FAXC: variants seen among roughly 807,000 people sequenced by gnomAD.
The protein encoded by FAXC is failed axon connections homolog.
A neutral mutation model predicts 41.9 loss-of-function variants in FAXC; 10 were observed. That is an observed-to-expected ratio of 0.24 (90% CI 0.15 to 0.41). FAXC has a LOEUF of 0.41. Ranked by LOEUF, FAXC falls within the 10% of genes least tolerant of loss-of-function variation. FAXC has a pLI of 1.00. For missense variants in FAXC, 399 were observed against 510.9 expected, an observed-to-expected ratio of 0.78 and a Z score of 2.11; for synonymous variants, 183 against 183.8, an observed-to-expected ratio of 1.00 and a Z score of 0.03.
chr6:99,302,294 A>G (rs1273991643), intron 4 of FAXC, among the ~76,000 whole-genome samples: 1 of 152,244 alleles, frequency 6.6e-6, no homozygotes, highest in African/African-American at 2.4e-5. Flanking sequence ...TGCCTAAGAT[A>G]GAAGCCACAT....
At chr6:99,319,377 C>T (rs11970457) in intron 4 of FAXC, among the ~76,000 whole-genome samples, 2,223 of 127,806 alleles carry the variant, frequency 0.017, 61 homozygotes, top group African/African-American at 0.063. Flanking sequence ...CTAGCCTGGG[C>T]GACAGAGCGA....
chr6:99,300,373 T>C (rs926231184), intron 4 of FAXC, among the ~76,000 whole-genome samples: 1 of 152,196 alleles, frequency 6.6e-6, no homozygotes, highest in African/African-American at 2.4e-5. Flanking sequence ...AAAGTATTCC[T>C]CAGGATGAGG....
At chr6:99,310,323 C>T (rs1179272635) in intron 4 of FAXC, among the ~76,000 whole-genome samples, 1 of 152,238 alleles carries the variant, frequency 6.6e-6, no homozygotes, top group African/African-American at 2.4e-5. Flanking sequence ...ACAGTGCCCT[C>T]ACGCGGCCCT....
At position 99,274,783 on chromosome 6, in the gene FAXC, A is replaced by G. The variant is rs1770540637; in HGVS notation, c.*6381T>C. 1 of 152,228 alleles carries G rather than the reference A, an allele frequency of 6.6e-6. No individual in the cohort carries two copies. The highest frequency in any genetic ancestry group is 1.5e-5 in the Non-Finnish European group (1 of 68,038). The allele number at this position is 152,228 out of a possible 1,614,324, so 9.4% of individuals were successfully genotyped here. ...ATAATTTGTTAAAGATAAAAATACA[A>G]TCATTTGGACATGGTTTATATTTTA... is the stretch of plus-strand genomic sequence containing the variant. On this transcript the variant is annotated 3_prime_UTR_variant, in exon 6 of 6. Transcript: ENST00000389677.
chr6:99,298,588 C>A (rs1458377288), intron 4 of FAXC, among the ~76,000 whole-genome samples: 1 of 152,010 alleles, frequency 6.6e-6, no homozygotes, highest in Non-Finnish European at 1.5e-5. Context: ...TAGGTCCTAT[C>A]TCCTCAAATA....
rs937416928 is a variant in FAXC, at chr6:99,275,932, A to T, written c.*5232T>A. 1 of 152,164 alleles carries T rather than the reference A, an allele frequency of 6.6e-6. No homozygotes were observed. Among genetic ancestry groups the T allele is most frequent in the Non-Finnish European group, 1.5e-5 (1 of 68,028 alleles). 9.4% of individuals were successfully genotyped at this position (152,164 alleles called of 1,614,324 possible). On this transcript the variant is annotated 3_prime_UTR_variant, in exon 6 of 6. Transcript: ENST00000389677. ...TCCCAAGTTATATCCAGACCACTGGAAGCAACTGAATAAAGGTCAAGCACT... is the reference window on the plus strand; with the variant it reads ...TCCCAAGTTATATCCAGACCACTGGTAGCAACTGAATAAAGGTCAAGCACT...
rs369719974 is a variant in FAXC at position 99,281,210 on chromosome 6, G to T, written c.1184C>A (p.Ser395Ter). ...TDFTGHSLFD[S>*]DVDMDDYTDH... ...TGTATAGTCATCCATGTCCACATCC[G>T]AATCAAAGAGTGAGTGTCCAGTAAA... The change falls in exon 6 of 6, where the codon TCG becomes TAG. Residue 395 changes from serine (S) to a stop codon, truncating the protein, a stop_gained. Coordinates refer to ENST00000389677, the MANE Select transcript of FAXC (RefSeq NM_032511.4). LOFTEE classifies it high-confidence loss of function. The T allele has an allele frequency of 1.9e-6, 3 of 1,587,816 alleles. No homozygotes were observed. The highest frequency in any genetic ancestry group is 2.6e-6 in the Non-Finnish European group (3 of 1,156,040).
At chr6:99,319,182 G>A (rs904958629) in intron 4 of FAXC, among the ~76,000 whole-genome samples, 2 of 152,198 alleles carry the variant, frequency 1.3e-5, no homozygotes, top group Admixed American at 6.5e-5. Flanking sequence ...CGGATCACGA[G>A]GTCGAGAGAT....
intron 4 of FAXC, among the ~76,000 whole-genome samples, chr6:99,301,466 C>T (rs568505631): frequency 6.6e-6 from 1 of 152,138 alleles, no homozygotes; most frequent in Non-Finnish European, 1.5e-5. Context: ...CTACTATGTA[C>T]CCACAAAAAT....
chr6:99,284,557 G>GTC (rs796400697), intron 5 of FAXC, among the ~76,000 whole-genome samples: 124 of 114,186 alleles, frequency 1.1e-3, no homozygotes, highest in Non-Finnish European at 1.7e-3. Context: ...TGTGTGGAGT[G>GTC]TCTGTGTGTG....
intron 5 of FAXC, among the ~76,000 whole-genome samples, chr6:99,286,605 T>A (rs1250050687): frequency 1.3e-5 from 2 of 152,206 alleles, no homozygotes; most frequent in Non-Finnish European, 2.9e-5. Context: ...AGCATTAAGG[T>A]CTGTGGTTTT....
At position 99,316,693 on chromosome 6, in the gene FAXC, G is replaced by A. The variant is rs372983007; in HGVS notation, c.823+6751C>T. 2.0e-5 allele frequency among the ~76,000 whole-genome samples: 3 copies of A among 152,178 alleles called. No homozygotes were observed. The East Asian group carries it at 5.8e-4, about 29-fold the overall frequency. On this transcript the variant is annotated intron_variant, in intron 4 of 5. Coordinates refer to ENST00000389677, the MANE Select transcript of FAXC (RefSeq NM_032511.4). ...GGGATGGAACCCCAAAGGCATTTCT[G>A]GGTAAGAGCAACCTACAGATTTTCT... is the stretch of plus-strand genomic sequence containing the variant.
chr6:99,314,796 A>G (rs624728), intron 4 of FAXC, among the ~76,000 whole-genome samples: 132,903 of 152,162 alleles, frequency 0.87, 58,517 homozygotes, highest in East Asian at 1. Context: ...CCTTGAAAGC[A>G]CCCAGCTGCT....
Position 99,272,997 on chromosome 6 carries a change from ATACAG to A in FAXC, c.*8162_*8166del, listed in dbSNP as rs1378216502. ...AAATATACAGAATTTCCACATTTATATACAGTAGTCAACATAGTGCACAATTCAAA... is the reference window on the plus strand; with the variant it reads ...AAATATACAGAATTTCCACATTTATATAGTCAACATAGTGCACAATTCAAA... On this transcript the variant is annotated 3_prime_UTR_variant, in exon 6 of 6. Coordinates refer to ENST00000389677, the MANE Select transcript of FAXC (RefSeq NM_032511.4). The A allele has an allele frequency of 1.3e-5, 2 of 152,260 alleles. No individual in the cohort carries two copies. Among genetic ancestry groups the A allele is most frequent in the Non-Finnish European group, 2.9e-5 (2 of 68,042 alleles). 9.4% of individuals were successfully genotyped at this position (152,260 alleles called of 1,614,324 possible). A position where few individuals can be genotyped will look rare whatever the true frequency, so the allele number is the denominator to read the frequency against.
intron 3 of FAXC, among the ~76,000 whole-genome samples, chr6:99,329,776 C>A (rs1772965967): frequency 6.6e-6 from 1 of 151,846 alleles, no homozygotes; most frequent in Non-Finnish European, 1.5e-5. Flanking sequence ...CTTCCCCCAT[C>A]TCCTGAACTA....
intron 1 of FAXC, among the ~76,000 whole-genome samples, chr6:99,347,754 T>C (rs1287687793): frequency 6.6e-6 from 1 of 152,278 alleles, no homozygotes; most frequent in South Asian, 2.1e-4. Flanking sequence ...TTTAAATTAC[T>C]GCCCAAATGT....
At chr6:99,291,872 T>A (rs1301112899) in intron 4 of FAXC, 52 bp from the exon 5 acceptor site, 2 of 1,281,192 alleles carry the variant, frequency 1.6e-6, no homozygotes, top group Non-Finnish European at 2.3e-6. Flanking sequence ...CTGCCCCACA[T>A]CATCACAATG....
intron 3 of FAXC, among the ~76,000 whole-genome samples, chr6:99,330,876 G>A (rs1773003342): frequency 6.6e-6 from 1 of 152,216 alleles, no homozygotes; most frequent in African/African-American, 2.4e-5. Flanking sequence ...CTTGGAACCA[G>A]AAGAGCAGAG....
At chr6:99,294,615 G>A (rs1771404312) in intron 4 of FAXC, among the ~76,000 whole-genome samples, 2 of 151,908 alleles carry the variant, frequency 1.3e-5, no homozygotes, top group South Asian at 4.1e-4. Context: ...TGGCTTCATG[G>A]TCAAAAAAAG....
Sources: gnomAD v4.1 joint callset for allele counts (sites outside exome capture counted in the v4.1 genomes callset) on GRCh38, gnomAD v4.1.1 for gene constraint, MANE v1.5 for transcripts, NCBI Gene and HGNC (gene_info 2026-07-23, HGNC 2026-07-21) for gene names.